The following PEBP4 variants were observed in gnomAD, a reference collection of about 807,000 sequenced individuals.
The protein encoded by PEBP4 is phosphatidylethanolamine binding protein 4.
A neutral mutation model predicts 23.9 loss-of-function variants in PEBP4; 22 were observed. The observed-to-expected ratio is 0.92, with a 90% confidence interval of 0.66 to 1.31. The LOEUF is 1.31. PEBP4 is among the 40% of genes most tolerant of loss of function. The pLI, the probability that PEBP4 is intolerant of heterozygous loss-of-function variation, is 0.00. For synonymous variants in PEBP4, 112 were observed against 99.3 expected, an observed-to-expected ratio of 1.13 and a Z score of -0.76; for missense variants, 324 against 281.7, an observed-to-expected ratio of 1.15 and a Z score of -1.07.
chr8:22,927,511 G>C, intron 2 of PEBP4, 73 bp downstream of exon 2: 1 of 1,532,708 alleles, frequency 6.5e-7, no homozygotes, highest in Non-Finnish European at 8.8e-7. Flanking sequence ...CTTGGTTCTG[G>C]ATATACCCCT....
intron 3 of PEBP4, among the ~76,000 whole-genome samples, chr8:22,892,359 C>T (rs946774925): frequency 3.3e-5 from 5 of 152,152 alleles, no homozygotes; most frequent in African/African-American, 9.7e-5. Context: ...TGTAGCATCA[C>T]CACCATCCAT....
chr8:22,811,313 G>C (rs1806624383), intron 4 of PEBP4, among the ~76,000 whole-genome samples: 1 of 152,160 alleles, frequency 6.6e-6, no homozygotes, highest in African/African-American at 2.4e-5. Context: ...CAGCATACGA[G>C]AGCTAATTTG....
chr8:22,851,335 A>T (rs1024332349), intron 3 of PEBP4, among the ~76,000 whole-genome samples: 4 of 152,100 alleles, frequency 2.6e-5, no homozygotes, highest in African/African-American at 7.2e-5. Flanking sequence ...TTTCTTTGTG[A>T]CTTTGCATTC....
Position 22,833,734 on chromosome 8 carries a change from A to C in PEBP4, c.259-15999T>G, listed in dbSNP as rs1807137596. On this transcript the variant is annotated intron_variant, in intron 3 of 6. Coordinates refer to ENST00000256404, the MANE Select transcript of PEBP4 (RefSeq NM_144962.3). ...GATTAGTGGAGAGCCATTTTCTCCA[A>C]GGCAATGGTCTCACCCCTGCCTTAA... Among the ~76,000 whole-genome samples, 5 of 152,180 alleles carry C rather than the reference A, an allele frequency of 3.3e-5. No individual in the cohort carries two copies. In the South Asian group the frequency reaches 1.0e-3, roughly 32 times the overall value.
intron 3 of PEBP4, among the ~76,000 whole-genome samples, chr8:22,898,403 A>AAAAACAAACAAAC (rs1808637193): frequency 1.2e-5 from 1 of 83,750 alleles, no homozygotes; most frequent in African/African-American, 3.4e-5. Flanking sequence ...AAAAAAAAAA[A>AAAAACAAACAAAC]AAAAAAAAAA....
chr8:22,735,214 A>G (rs1050454860), intron 4 of PEBP4, among the ~76,000 whole-genome samples: 4 of 152,214 alleles, frequency 2.6e-5, no homozygotes, highest in Non-Finnish European at 5.9e-5. Context: ...AGAAATAATA[A>G]TTACAGGCTT....
intron 1 of PEBP4, among the ~76,000 whole-genome samples, chr8:22,938,616 A>G (rs1399821288): frequency 6.6e-6 from 1 of 152,214 alleles, no homozygotes; most frequent in African/African-American, 2.4e-5. Flanking sequence ...TGGGACCAGC[A>G]GGTGCTCCAT....
At chr8:22,868,377 C>G (rs903372346) in intron 3 of PEBP4, among the ~76,000 whole-genome samples, 18 of 152,260 alleles carry the variant, frequency 1.2e-4, no homozygotes, top group Non-Finnish European at 2.9e-5. Context: ...AAGCTGCTTT[C>G]CTCTGGGTGT....
At chr8:22,805,633 C>T (rs1806479010) in intron 4 of PEBP4, among the ~76,000 whole-genome samples, 1 of 152,142 alleles carries the variant, frequency 6.6e-6, no homozygotes, top group South Asian at 2.1e-4. Flanking sequence ...GCCATGATTG[C>T]CAGCATTAAG....
chr8:22,854,585 C>T (rs949897914), intron 3 of PEBP4, among the ~76,000 whole-genome samples: 2 of 152,062 alleles, frequency 1.3e-5, no homozygotes, highest in South Asian at 2.1e-4. Context: ...AATGAGGGAG[C>T]AAAGGAGTTA....
chr8:22,924,769 CT>C, intron 2 of PEBP4: 1 of 985,358 alleles, frequency 1.0e-6, no homozygotes, highest in Non-Finnish European at 1.2e-6. Context: ...AATCATGGTT[CT>C]TTCCATTCTG....
At chr8:22,870,603 G>A (rs139247855) in intron 3 of PEBP4, among the ~76,000 whole-genome samples, 1 of 152,324 alleles carries the variant, frequency 6.6e-6, no homozygotes, top group African/African-American at 2.4e-5. Context: ...AGAATGACAT[G>A]TCAATGTAGG....
chr8:22,936,381 A>ATAAAAC (rs1164144113), intron 1 of PEBP4, among the ~76,000 whole-genome samples: 3 of 152,210 alleles, frequency 2.0e-5, no homozygotes, highest in African/African-American at 7.2e-5. Context: ...TCCTGGAAAC[A>ATAAAAC]TAAAACCTAC....
intron 3 of PEBP4, among the ~76,000 whole-genome samples, chr8:22,819,092 A>C (rs1806805761): frequency 6.6e-6 from 1 of 152,202 alleles, no homozygotes; most frequent in Non-Finnish European, 1.5e-5. Context: ...TGGGTGAATA[A>C]ATTTGGTAGT....
At chr8:22,734,746 T>G (rs1178954143) in intron 4 of PEBP4, among the ~76,000 whole-genome samples, 1 of 152,152 alleles carries the variant, frequency 6.6e-6, no homozygotes, top group Middle Eastern at 3.2e-3. Context: ...GTAGGAGCTT[T>G]TCAGTTCTCC....
intron 4 of PEBP4, among the ~76,000 whole-genome samples, chr8:22,780,502 G>T (rs1805892579): frequency 6.6e-6 from 1 of 152,154 alleles, no homozygotes; most frequent in African/African-American, 2.4e-5. Context: ...TTGCATTTCT[G>T]CCTGAACTAC....
intron 4 of PEBP4, among the ~76,000 whole-genome samples, chr8:22,797,966 C>A (rs1040244597): frequency 6.6e-6 from 1 of 152,088 alleles, no homozygotes; most frequent in East Asian, 1.9e-4. Context: ...TCCCCAGGGG[C>A]TGGGAAACTA....
rs1806769121 is a variant in PEBP4 at position 22,817,547 on chromosome 8, C to A, written c.357+90G>T. 9 of 1,260,630 alleles carry A rather than the reference C, an allele frequency of 7.1e-6. No individual in the cohort carries two copies. In the South Asian group the frequency reaches 9.7e-5, roughly 14 times the overall value. 78.1% of individuals were successfully genotyped at this position (1,260,630 alleles called of 1,614,324 possible). Reference sequence around the variant, plus strand: ...GGGACACAGAAGTCCTCGCTCCAACCTTCCTGGATGAGAGGTGGGAACTGC... The same window carrying A: ...GGGACACAGAAGTCCTCGCTCCAACATTCCTGGATGAGAGGTGGGAACTGC... On this transcript the variant is annotated intron_variant, in intron 4 of 6. Coordinates refer to ENST00000256404, the MANE Select transcript of PEBP4 (RefSeq NM_144962.3).
intron 4 of PEBP4, among the ~76,000 whole-genome samples, chr8:22,756,341 G>A (rs545820839): frequency 1.3e-5 from 2 of 152,290 alleles, no homozygotes; most frequent in South Asian, 2.1e-4. Context: ...CCTTAACCCC[G>A]GACAGCCCCA....
Sources: gnomAD v4.1 joint callset for allele counts (sites outside exome capture counted in the v4.1 genomes callset) on GRCh38, gnomAD v4.1.1 for gene constraint, MANE v1.5 for transcripts, NCBI Gene and HGNC (gene_info 2026-07-23, HGNC 2026-07-21) for gene names.